Variants in KLHL6 observed in about 807,000 individuals in gnomAD.
KLHL6 encodes the protein kelch-like protein 6.
A neutral mutation model predicts 58.6 loss-of-function variants in KLHL6; 41 were observed. That is an observed-to-expected ratio of 0.70 (90% CI 0.55 to 0.91). The LOEUF is 0.91. Ranked by LOEUF, KLHL6 falls within the 40% of genes least tolerant of loss-of-function variation. KLHL6 has a pLI of 0.00. For missense variants in KLHL6, 714 were observed against 805.6 expected (o/e 0.89, Z 1.38); for synonymous variants, 338 against 322.7 (o/e 1.05, Z -0.51).
intron 1 of KLHL6, among the ~76,000 whole-genome samples, chr3:183,548,048 G>C (rs369809770): frequency 1.3e-5 from 2 of 152,298 alleles, no homozygotes; most frequent in African/African-American, 2.4e-5. Context: ...ATGTCTGGGG[G>C]CTGAGCTGAC....
At chr3:183,554,696 G>GACA (rs560622974) in intron 1 of KLHL6, among the ~76,000 whole-genome samples, 204 of 152,282 alleles carry the variant, frequency 1.3e-3, no homozygotes, top group Admixed American at 3.4e-3. Flanking sequence ...GATTAACAAA[G>GACA]ACAACATTAT....
chr3:183,545,535 T>G (rs949590537), intron 1 of KLHL6, among the ~76,000 whole-genome samples: 6 of 152,180 alleles, frequency 3.9e-5, no homozygotes, highest in African/African-American at 1.4e-4. Context: ...TTTCTAATCT[T>G]GATTGGAATA....
At chr3:183,523,949 C>T (rs1234171483) in intron 2 of KLHL6, among the ~76,000 whole-genome samples, 2 of 151,912 alleles carry the variant, frequency 1.3e-5, no homozygotes, top group African/African-American at 2.4e-5. Flanking sequence ...TTAATAGAGA[C>T]GGGGTTTCAT....
chr3:183,496,913 G>A (rs547160224), intron 4 of KLHL6, among the ~76,000 whole-genome samples: 45 of 152,310 alleles, frequency 3.0e-4, no homozygotes, highest in African/African-American at 8.7e-4. Context: ...TGAGGTGGGC[G>A]GATCACCTGA....
At chr3:183,495,981 T>C (rs1717702920) in intron 4 of KLHL6, among the ~76,000 whole-genome samples, 1 of 152,198 alleles carries the variant, frequency 6.6e-6, no homozygotes, top group African/African-American at 2.4e-5. Flanking sequence ...TATTTTACAT[T>C]ACATTTAAAA....
chr3:183,495,978 C>T (rs1284119434), intron 4 of KLHL6, among the ~76,000 whole-genome samples: 1 of 152,094 alleles, frequency 6.6e-6, no homozygotes, highest in African/African-American at 2.4e-5. Flanking sequence ...ACTTATTTTA[C>T]ATTACATTTA....
At chr3:183,546,716 TTGGGGCAAA>T (rs1213521975) in intron 1 of KLHL6, among the ~76,000 whole-genome samples, 2 of 152,206 alleles carry the variant, frequency 1.3e-5, no homozygotes, top group Non-Finnish European at 2.9e-5. Context: ...GCATAAAGTG[TTGGGGCAAA>T]TAAATTAATA....
intron 2 of KLHL6, 97 bp downstream of exon 2, chr3:183,527,748 C>G: frequency 1.0e-6 from 1 of 1,000,790 alleles, no homozygotes; most frequent in African/African-American, 1.6e-5. Flanking sequence ...GTCCATGTCC[C>G]AGGTACAGGC....
rs1383015721 is a variant in KLHL6, at chr3:183,487,646, T to A, written c.*4281A>T. ...ATTCTTAGTTTGATCACTTAAAACA[T>A]ACAACTTTATGTAACCAAAATGCTT... On this transcript the variant is annotated 3_prime_UTR_variant, in exon 7 of 7. Coordinates refer to ENST00000341319, the MANE Select transcript of KLHL6 (RefSeq NM_130446.4). The A allele has an allele frequency of 1.3e-5, 2 of 152,202 alleles. No individual in the cohort carries two copies. The highest frequency in any genetic ancestry group is 4.8e-5 in the African/African-American group (2 of 41,456). The allele number at this position is 152,202 out of a possible 1,614,324, so 9.4% of individuals were successfully genotyped here. A position where few individuals can be genotyped will look rare whatever the true frequency, so the allele number is the denominator to read the frequency against.
chr3:183,528,049 C>T (rs1712036659), intron 1 of KLHL6, 39 bp from the exon 2 acceptor site: 1 of 1,611,596 alleles, frequency 6.2e-7, no homozygotes. Flanking sequence ...GTGCCGAGAC[C>T]CTTGGTTCCA....
At chr3:183,501,365 C>T (rs1039769092) in intron 3 of KLHL6, among the ~76,000 whole-genome samples, 1 of 152,206 alleles carries the variant, frequency 6.6e-6, no homozygotes, top group Admixed American at 6.5e-5. Context: ...GGCACAGCCA[C>T]CAGCACTAAT....
At position 183,508,521 on chromosome 3, in the gene KLHL6, A is replaced by G. The variant is rs1401074417; in HGVS notation, c.460-13T>C. ...CCATCCGCAGGAACTGATGAAATAGAAAGGGTGGAAAGGAGGCCAGAAAAT... is the reference window on the plus strand; with the variant it reads ...CCATCCGCAGGAACTGATGAAATAGGAAGGGTGGAAAGGAGGCCAGAAAAT... On this transcript the variant is annotated splice_polypyrimidine_tract_variant and intron_variant, in intron 2 of 6. Coordinates refer to ENST00000341319, the MANE Select transcript of KLHL6 (RefSeq NM_130446.4). 10 of 1,603,382 alleles carry G rather than the reference A, an allele frequency of 6.2e-6. No homozygotes were observed. The highest frequency in any genetic ancestry group is 8.5e-6 in the Non-Finnish European group (10 of 1,174,450).
chr3:183,494,517 G>A (rs913161651), intron 4 of KLHL6, among the ~76,000 whole-genome samples: 2 of 152,166 alleles, frequency 1.3e-5, no homozygotes, highest in Admixed American at 6.5e-5. Flanking sequence ...CCTCAGTGCT[G>A]CGAGAGTTCA....
At chr3:183,500,700 A>G (rs1717844315) in intron 3 of KLHL6, among the ~76,000 whole-genome samples, 1 of 152,244 alleles carries the variant, frequency 6.6e-6, no homozygotes, top group South Asian at 2.1e-4. Context: ...TATAAAAGGA[A>G]GAGCTGCCCT....
chr3:183,489,344 A>G lies in KLHL6; in HGVS notation c.*2583T>C, dbSNP rs1040330473. Reference sequence around the variant, plus strand: ...AGAGACAAACATGTAAGCCATGGCCACTGGTTGACTTCACTGCACAGCTTA... The same window carrying G: ...AGAGACAAACATGTAAGCCATGGCCGCTGGTTGACTTCACTGCACAGCTTA... On this transcript the variant is annotated 3_prime_UTR_variant, in exon 7 of 7. Transcript: ENST00000341319. The G allele has an allele frequency of 6.6e-6, 1 of 151,770 alleles. No homozygotes were observed. Among genetic ancestry groups the G allele is most frequent in the Non-Finnish European group, 1.5e-5 (1 of 68,024 alleles). The allele number at this position is 151,770 out of a possible 1,614,324, so 9.4% of individuals were successfully genotyped here. A position where few individuals can be genotyped will look rare whatever the true frequency, so the allele number is the denominator to read the frequency against.
chr3:183,532,867 T>G (rs956541560), intron 1 of KLHL6, among the ~76,000 whole-genome samples: 10 of 152,214 alleles, frequency 6.6e-5, no homozygotes, highest in African/African-American at 2.4e-4. Context: ...GAGAACATTT[T>G]AAGCACATGT....
At chr3:183,504,166 G>A (rs1371502438) in intron 3 of KLHL6, among the ~76,000 whole-genome samples, 2 of 152,322 alleles carry the variant, frequency 1.3e-5, no homozygotes, top group Admixed American at 6.5e-5. Flanking sequence ...AACAATAAAC[G>A]AACCAAGTGG....
chr3:183,531,162 T>C (rs1712143904), intron 1 of KLHL6, among the ~76,000 whole-genome samples: 3 of 151,762 alleles, frequency 2.0e-5, no homozygotes, highest in Admixed American at 2.0e-4. Context: ...GAGGGAAAAA[T>C]TACCCTAAGG....
intron 1 of KLHL6, among the ~76,000 whole-genome samples, chr3:183,550,337 A>C (rs1712868109): frequency 6.6e-6 from 1 of 152,222 alleles, no homozygotes; most frequent in Non-Finnish European, 1.5e-5. Context: ...CAGTAATATG[A>C]GGAAATGTTC....
Sources: gnomAD v4.1 joint callset for allele counts (sites outside exome capture counted in the v4.1 genomes callset) on GRCh38, gnomAD v4.1.1 for gene constraint, MANE v1.5 for transcripts, NCBI Gene and HGNC (gene_info 2026-07-23, HGNC 2026-07-21) for gene names.